Variants in CUL5 observed in about 807,000 individuals in gnomAD.
CUL5 encodes the protein cullin-5.
A neutral mutation model predicts 108.8 loss-of-function variants in CUL5; 26 were observed. The ratio of observed to expected loss-of-function variants is 0.24; its 90% CI spans 0.18 to 0.33. CUL5 has a LOEUF of 0.33. Ranked by LOEUF, CUL5 falls within the 10% of genes least tolerant of loss-of-function variation. The pLI, the probability that CUL5 is intolerant of heterozygous loss-of-function variation, is 1.00. For synonymous variants in CUL5, 334 were observed against 298.0 expected (o/e 1.12, Z -1.25); for missense variants, 524 against 909.2 (o/e 0.58, Z 5.45).
intron 13 of CUL5, among the ~76,000 whole-genome samples, chr11:108,092,083 G>A (rs545873870): frequency 6.6e-6 from 1 of 152,156 alleles, no homozygotes; most frequent in Non-Finnish European, 1.5e-5. Flanking sequence ...GTTGTAATGA[G>A]CTGAGATTGT....
intron 4 of CUL5, among the ~76,000 whole-genome samples, chr11:108,051,498 A>G (rs770429406): frequency 3.9e-5 from 6 of 152,264 alleles, no homozygotes; most frequent in Non-Finnish European, 5.9e-5. Context: ...AGTTACATGC[A>G]GACAATACAT....
chr11:108,038,367 C>T (rs569219613), intron 2 of CUL5, among the ~76,000 whole-genome samples: 2 of 152,216 alleles, frequency 1.3e-5, no homozygotes, highest in South Asian at 4.1e-4. Flanking sequence ...TTACTTGCTA[C>T]AGTTAGTGGC....
intron 1 of CUL5, among the ~76,000 whole-genome samples, chr11:108,010,904 C>A (rs1263358001): frequency 6.6e-6 from 1 of 152,158 alleles, no homozygotes; most frequent in African/African-American, 2.4e-5. Context: ...ATTTAATCTT[C>A]ACAGTGTTCC....
intron 1 of CUL5, among the ~76,000 whole-genome samples, chr11:108,016,698 C>T (rs1286195320): frequency 6.6e-6 from 1 of 152,180 alleles, no homozygotes; most frequent in Admixed American, 6.5e-5. Context: ...CAGTAACTCA[C>T]ACCTGTAATC....
At chr11:108,087,063 G>A (rs1461799152) in intron 11 of CUL5, among the ~76,000 whole-genome samples, 1 of 151,978 alleles carries the variant, frequency 6.6e-6, no homozygotes, top group Non-Finnish European at 1.5e-5. Flanking sequence ...GATCAGTATG[G>A]ATTTTTTTGT....
At position 108,103,369 on chromosome 11, in the gene CUL5, G is replaced by C. The variant is rs547135347; in HGVS notation, c.2149-821G>C. ...GAGTCTGGGGGTTCAAGACCAACCT[G>C]GACAACATAGCAAAACCTTGTGTCT... On this transcript the variant is annotated intron_variant, in intron 18 of 18. Transcript: ENST00000393094. 2.1e-3 allele frequency among the ~76,000 whole-genome samples: 315 copies of C among 151,496 alleles called. 1 individual carries two copies. Among genetic ancestry groups the C allele is most frequent in the Non-Finnish European group, 3.9e-3 (266 of 67,946 alleles).
intron 7 of CUL5, among the ~76,000 whole-genome samples, chr11:108,063,941 G>A (rs913618541): frequency 2.0e-5 from 3 of 152,200 alleles, no homozygotes; most frequent in Non-Finnish European, 4.4e-5. Flanking sequence ...ACTGGGATGA[G>A]ATGATGTCTC....
intron 7 of CUL5, among the ~76,000 whole-genome samples, chr11:108,056,642 TGG>T (rs1424179060): frequency 6.6e-6 from 1 of 152,140 alleles, no homozygotes; most frequent in Non-Finnish European, 1.5e-5. Context: ...TTTAAACAGG[TGG>T]GCCACAGAGT....
intron 3 of CUL5, among the ~76,000 whole-genome samples, chr11:108,049,290 T>C (rs564747947): frequency 6.6e-6 from 1 of 152,148 alleles, no homozygotes; most frequent in African/African-American, 2.4e-5. Context: ...CTGAATAATA[T>C]CTATTGTTTG....
chr11:108,018,842 C>CT (rs1862264958), intron 1 of CUL5, among the ~76,000 whole-genome samples: 1 of 152,130 alleles, frequency 6.6e-6, no homozygotes, highest in South Asian at 2.1e-4. Flanking sequence ...TGAGCTCAGC[C>CT]TCTGCAGCCA....
chr11:108,077,927 C>T (rs1378739332), intron 10 of CUL5, among the ~76,000 whole-genome samples: 7 of 152,048 alleles, frequency 4.6e-5, no homozygotes, highest in Middle Eastern at 3.4e-3. Context: ...CCAGCCTGGT[C>T]GACAGAGTGA....
intron 3 of CUL5, 70 bp from the exon 4 acceptor site, chr11:108,049,820 G>T: frequency 8.5e-7 from 1 of 1,170,054 alleles, no homozygotes; most frequent in Non-Finnish European, 1.2e-6. Flanking sequence ...TTTAAATTTT[G>T]GCATGAATAT....
chr11:108,011,494 A>T lies in CUL5; in HGVS notation c.24+2122A>T, dbSNP rs562218446. Among the ~76,000 whole-genome samples, 169 of 152,304 alleles carry T rather than the reference A, an allele frequency of 1.1e-3. 2 individuals carry two copies. The highest frequency in any genetic ancestry group is 3.9e-3 in the African/African-American group (164 of 41,562). On this transcript the variant is annotated intron_variant, in intron 1 of 18. Coordinates refer to ENST00000393094, the MANE Select transcript of CUL5 (RefSeq NM_003478.6). ...AAAAAGTGTTTTAACTTGAACATTT[A>T]CAAATAAAGGGAAGGTGATAATATT...
chr11:108,009,157 G>C lies in CUL5; in HGVS notation c.-192G>C. On this transcript the variant is annotated 5_prime_UTR_variant, in exon 1 of 19. Transcript: ENST00000393094. Reference sequence around the variant, plus strand: ...TGGGGAAGCTCCGGTGACCATGTAGGGGAGAAGAGTGAGGAAGCTCCTGGT... The same window carrying C: ...TGGGGAAGCTCCGGTGACCATGTAGCGGAGAAGAGTGAGGAAGCTCCTGGT... 1.6e-6 allele frequency: 1 copy of C among 619,478 alleles called. No homozygotes were observed. Among genetic ancestry groups the C allele is most frequent in the Non-Finnish European group, 2.9e-6 (1 of 343,252 alleles). The allele number at this position is 619,478 out of a possible 1,614,324, so 38.4% of individuals were successfully genotyped here.
At chr11:108,064,363 G>C (rs887492117) in intron 7 of CUL5, among the ~76,000 whole-genome samples, 2 of 152,110 alleles carry the variant, frequency 1.3e-5, no homozygotes, top group Non-Finnish European at 2.9e-5. Flanking sequence ...TTGCATCCAC[G>C]GATAAATCCC....
At chr11:108,039,091 G>C (rs934613382) in intron 2 of CUL5, among the ~76,000 whole-genome samples, 1 of 151,852 alleles carries the variant, frequency 6.6e-6, no homozygotes, top group Non-Finnish European at 1.5e-5. Flanking sequence ...CGCAATCTCG[G>C]CTCACTGCAA....
In CUL5 at chr11:108,107,239, TCTTTTA is replaced by T. The variant is rs1864825203; in HGVS notation, c.*2861_*2866del. On this transcript the variant is annotated 3_prime_UTR_variant, in exon 19 of 19. Coordinates refer to ENST00000393094, the MANE Select transcript of CUL5 (RefSeq NM_003478.6). ...CCAAAAATGAAATGTTAGCTTTCTT[TCTTTTA>T]CTTTTTATTAAATTTAATAGAAAAT... The T allele has an allele frequency of 6.6e-6, 1 of 152,348 alleles. No individual in the cohort carries two copies. The highest frequency in any genetic ancestry group is 2.1e-4 in the South Asian group (1 of 4,828). The allele number at this position is 152,348 out of a possible 1,614,324, so 9.4% of individuals were successfully genotyped here. A position where few individuals can be genotyped will look rare whatever the true frequency, so the allele number is the denominator to read the frequency against.
At chr11:108,103,636 A>G (rs1864723234) in intron 18 of CUL5, among the ~76,000 whole-genome samples, 1 of 152,210 alleles carries the variant, frequency 6.6e-6, no homozygotes, top group South Asian at 2.1e-4. Context: ...GTTTAACATG[A>G]TACCAGGTTA....
chr11:108,015,500 A>C (rs1862160714), intron 1 of CUL5, among the ~76,000 whole-genome samples: 1 of 152,216 alleles, frequency 6.6e-6, no homozygotes, highest in Non-Finnish European at 1.5e-5. Flanking sequence ...GGTTGATAGA[A>C]ATTGCCCTCT....
Sources: gnomAD v4.1 joint callset for allele counts (sites outside exome capture counted in the v4.1 genomes callset) on GRCh38, gnomAD v4.1.1 for gene constraint, MANE v1.5 for transcripts, NCBI Gene and HGNC (gene_info 2026-07-23, HGNC 2026-07-21) for gene names.